KCTD8: variants seen among roughly 807,000 people sequenced by gnomAD.
KCTD8 encodes the protein potassium channel tetramerization domain containing 8, also known as BTB/POZ domain-containing protein KCTD8.
KCTD8 carries 27 observed loss-of-function variants against 31.5 expected under a neutral mutation model. The ratio of observed to expected loss-of-function variants is 0.86; its 90% CI spans 0.63 to 1.18. The LOEUF (loss-of-function observed/expected upper bound fraction) is 1.18. Among genes scored for constraint, KCTD8 ranks in the 50% most tolerant of loss-of-function variants. KCTD8 has a pLI of 0.00. For missense variants in KCTD8, 658 were observed against 647.7 expected, an observed-to-expected ratio of 1.02 and a Z score of -0.17; for synonymous variants, 290 against 280.0, an observed-to-expected ratio of 1.04 and a Z score of -0.36.
chr4:44,233,134 A>G (rs916877187), intron 1 of KCTD8, among the ~76,000 whole-genome samples: 1 of 151,974 alleles, frequency 6.6e-6, no homozygotes, highest in Non-Finnish European at 1.5e-5. Context: ...TAGTTTACAT[A>G]TTCACATTAT....
intron 1 of KCTD8, among the ~76,000 whole-genome samples, chr4:44,336,808 T>C (rs1361263456): frequency 6.6e-6 from 1 of 152,046 alleles, no homozygotes; most frequent in South Asian, 2.1e-4. Context: ...TATTAGGAGA[T>C]AGAGAAATAA....
At chr4:44,359,947 A>G (rs561070760) in intron 1 of KCTD8, among the ~76,000 whole-genome samples, 1 of 152,180 alleles carries the variant, frequency 6.6e-6, no homozygotes, top group Non-Finnish European at 1.5e-5. Context: ...ACATTATTTC[A>G]GTAGGGTTAA....
chr4:44,271,937 T>G (rs926949593), intron 1 of KCTD8, among the ~76,000 whole-genome samples: 2 of 151,938 alleles, frequency 1.3e-5, no homozygotes, highest in African/African-American at 4.8e-5. Flanking sequence ...AATCCTCTAG[T>G]GCCGCTGGGT....
At chr4:44,254,195 G>C (rs541890678) in intron 1 of KCTD8, among the ~76,000 whole-genome samples, 15 of 151,994 alleles carry the variant, frequency 9.9e-5, no homozygotes, top group Non-Finnish European at 1.9e-4. Context: ...TAAAAAAAGT[G>C]AACTGTTTAG....
At chr4:44,382,652 C>T (rs1720100462) in intron 1 of KCTD8, among the ~76,000 whole-genome samples, 1 of 151,620 alleles carries the variant, frequency 6.6e-6, no homozygotes, top group African/African-American at 2.4e-5. Context: ...ATCGTTTGAA[C>T]TCGGGAGGTG....
intron 1 of KCTD8, among the ~76,000 whole-genome samples, chr4:44,384,865 C>T (rs1172501620): frequency 6.6e-6 from 1 of 151,618 alleles, no homozygotes; most frequent in East Asian, 1.9e-4. Flanking sequence ...TATCATTACA[C>T]ATTCTACACA....
chr4:44,382,961 C>G (rs1241993040), intron 1 of KCTD8, among the ~76,000 whole-genome samples: 1 of 150,924 alleles, frequency 6.6e-6, no homozygotes, highest in Non-Finnish European at 1.5e-5. Flanking sequence ...AATCATGTTC[C>G]AAAATACAAA....
intron 1 of KCTD8, among the ~76,000 whole-genome samples, chr4:44,184,069 C>A (rs997834028): frequency 4.6e-5 from 7 of 151,842 alleles, no homozygotes; most frequent in Admixed American, 6.6e-5. Flanking sequence ...GGGACACACA[C>A]ACATGTGCAC....
intron 1 of KCTD8, among the ~76,000 whole-genome samples, chr4:44,340,465 A>ATTTT (rs781054339): frequency 1.5e-5 from 2 of 137,642 alleles, no homozygotes; most frequent in Non-Finnish European, 3.2e-5. Context: ...TGCCTGGCTA[A>ATTTT]TTTTTTTTTT....
intron 1 of KCTD8, among the ~76,000 whole-genome samples, chr4:44,248,270 A>T (rs1715726707): frequency 6.6e-6 from 1 of 151,896 alleles, no homozygotes; most frequent in Admixed American, 6.6e-5. Flanking sequence ...CCATACTAAA[A>T]TTATGTTTAT....
chr4:44,183,459 A>G (rs1023633171), intron 1 of KCTD8, among the ~76,000 whole-genome samples: 1 of 152,212 alleles, frequency 6.6e-6, no homozygotes, highest in Admixed American at 6.5e-5. Context: ...AATGTCACAA[A>G]TAGAAAATAT....
chr4:44,190,403 A>T (rs1230564896), intron 1 of KCTD8, among the ~76,000 whole-genome samples: 1 of 152,230 alleles, frequency 6.6e-6, no homozygotes, highest in Non-Finnish European at 1.5e-5. Context: ...TCTGTTTATA[A>T]TGATACTTGT....
intron 1 of KCTD8, among the ~76,000 whole-genome samples, chr4:44,247,345 A>G (rs1715695653): frequency 6.6e-6 from 1 of 151,882 alleles, no homozygotes; most frequent in African/African-American, 2.4e-5. Context: ...CCAGCTTTGA[A>G]TTATTTCCTA....
intron 1 of KCTD8, among the ~76,000 whole-genome samples, chr4:44,193,380 T>A (rs1713822777): frequency 6.6e-6 from 1 of 152,110 alleles, no homozygotes. Context: ...GATGTAGATC[T>A]GTCTGACTTT....
chr4:44,244,163 C>G (rs1314433246), intron 1 of KCTD8, among the ~76,000 whole-genome samples: 2 of 152,234 alleles, frequency 1.3e-5, no homozygotes, highest in Non-Finnish European at 2.9e-5. Flanking sequence ...GAGACATTAA[C>G]CAAATCAAAC....
intron 1 of KCTD8, among the ~76,000 whole-genome samples, chr4:44,211,847 G>A (rs1033076983): frequency 6.6e-6 from 1 of 151,670 alleles, no homozygotes; most frequent in East Asian, 1.9e-4. Context: ...TGTATATTTT[G>A]TATGATTTGT....
chr4:44,399,543 A>T (rs1030121804), intron 1 of KCTD8, among the ~76,000 whole-genome samples: 4 of 152,160 alleles, frequency 2.6e-5, no homozygotes, highest in African/African-American at 9.6e-5. Flanking sequence ...GAAAGAAGAG[A>T]TCAACGGCCC....
At chr4:44,380,088 A>C (rs1193504242) in intron 1 of KCTD8, among the ~76,000 whole-genome samples, 2 of 152,134 alleles carry the variant, frequency 1.3e-5, no homozygotes, top group East Asian at 3.9e-4. Context: ...TTTCCTAAAG[A>C]GTCACACTTA....
At chr4:44,319,039 G>T (rs1346656045) in intron 1 of KCTD8, among the ~76,000 whole-genome samples, 3 of 152,186 alleles carry the variant, frequency 2.0e-5, no homozygotes, top group Non-Finnish European at 2.9e-5. Flanking sequence ...TTGATGGCAG[G>T]ACATTGCAAA....
Sources: allele counts gnomAD v4.1 joint callset (sites outside exome capture counted in the v4.1 genomes callset), GRCh38; gene constraint gnomAD v4.1.1; transcripts MANE v1.5; gene names NCBI Gene and HGNC (gene_info 2026-07-23, HGNC 2026-07-21).